The following OTOF variants were observed in gnomAD, a reference collection of about 807,000 sequenced individuals.
OTOF encodes the protein fer-1-like family member 2.
A neutral mutation model predicts 236.8 loss-of-function variants in OTOF; 218 were observed. The observed-to-expected ratio is 0.92, with a 90% CI of 0.82 to 1.03. OTOF has a LOEUF of 1.03. OTOF is among the 50% of genes least tolerant of loss of function. The pLI, the probability that OTOF is intolerant of heterozygous loss-of-function variation, is 0.00. For missense variants in OTOF, 2,590 were observed against 2,694.4 expected, an observed-to-expected ratio of 0.96 and a Z score of 0.86; for synonymous variants, 1,041 against 1,072.5, an observed-to-expected ratio of 0.97 and a Z score of 0.57.
chr2:26,514,827 C>T (rs920507420), intron 5 of OTOF, among the ~76,000 whole-genome samples: 70 of 152,186 alleles, frequency 4.6e-4, no homozygotes, highest in African/African-American at 1.7e-3. Flanking sequence ...GGCTTCCGAT[C>T]TTGTTCTCTG....
chr2:26,458,442 A>G (rs1250970404), intron 46 of OTOF, among the ~76,000 whole-genome samples: 1 of 152,146 alleles, frequency 6.6e-6, no homozygotes, highest in African/African-American at 2.4e-5. Flanking sequence ...ATCTCCTCCT[A>G]AGGCCTAGAT....
intron 33 of OTOF, among the ~76,000 whole-genome samples, chr2:26,468,074 G>A (rs1459929513): frequency 6.6e-6 from 1 of 152,214 alleles, no homozygotes; most frequent in Admixed American, 6.5e-5. Context: ...AAACTAATTT[G>A]TTCCTTCTAG....
At chr2:26,556,917 A>G (rs1667600099) in intron 1 of OTOF, among the ~76,000 whole-genome samples, 2 of 152,172 alleles carry the variant, frequency 1.3e-5, no homozygotes, top group African/African-American at 2.4e-5. Context: ...GAAAGGACAC[A>G]TTTGCTTTTT....
In OTOF at chr2:26,470,959, A is replaced by G. The variant is rs1312212326; in HGVS notation, c.3894+162T>C. The stretch of plus-strand genomic sequence containing the variant: ...AAGCAGGACTGGCACCGAGTCCTGC[A>G]CTCACCCAGCTCTTTTCCACTGCAT... On this transcript the variant is annotated intron_variant, in intron 31 of 46. Transcript: ENST00000272371. This position sits in a 1 kb window ranked among gnomAD's most constrained non-coding sequence, Gnocchi z 4.3. Among the ~76,000 whole-genome samples the G allele has an allele frequency of 6.6e-6, 1 of 152,172 alleles. No homozygotes were observed. Among genetic ancestry groups the G allele is most frequent in the Non-Finnish European group, 1.5e-5 (1 of 68,016 alleles).
chr2:26,477,894 G>A lies in OTOF; in HGVS notation c.2215-145C>T. ...GGCCATCCTGAGTATCGGTCATCAT[G>A]AGGAAGTCATCAATTTCCCAGGTTC... is the stretch of plus-strand genomic sequence containing the variant. On this transcript the variant is annotated intron_variant, in intron 18 of 46. Coordinates refer to ENST00000272371, the MANE Select transcript of OTOF (RefSeq NM_194248.3). The surrounding 1 kb of genome is among the most constrained non-coding windows in gnomAD (Gnocchi z 4.7). The A allele has an allele frequency of 6.5e-7, 1 of 1,539,526 alleles. No homozygotes were observed. Among genetic ancestry groups the A allele is most frequent in the Non-Finnish European group, 8.8e-7 (1 of 1,140,536 alleles).
chr2:26,535,181 C>T (rs776914187), intron 2 of OTOF, among the ~76,000 whole-genome samples: 24 of 152,154 alleles, frequency 1.6e-4, no homozygotes, highest in Non-Finnish European at 3.4e-4. Context: ...GACTCCAACA[C>T]GGGCCTTGCA....
chr2:26,536,950 G>A (rs1233765718), intron 2 of OTOF, among the ~76,000 whole-genome samples: 1 of 152,176 alleles, frequency 6.6e-6, no homozygotes, highest in Non-Finnish European at 1.5e-5. Context: ...GTGAGGATAG[G>A]GCTCCCAGCC....
Position 26,493,118 on chromosome 2 carries a change from A to G in OTOF, c.897+1824T>C, listed in dbSNP as rs564148956. 2.6e-5 allele frequency among the ~76,000 whole-genome samples: 4 copies of G among 152,302 alleles called. No individual in the cohort carries two copies. In the East Asian group the frequency reaches 7.7e-4, roughly 29 times the overall value. The stretch of plus-strand genomic sequence containing the variant: ...TCAGGATGTGTCCTAACGTAAGGCC[A>G]GAGATGTCAATCCTGAATGTCCTTG... On this transcript the variant is annotated intron_variant, in intron 9 of 46. Transcript: ENST00000272371.
At chr2:26,495,617 G>T (rs930092238) in intron 8 of OTOF, among the ~76,000 whole-genome samples, 1 of 152,028 alleles carries the variant, frequency 6.6e-6, no homozygotes, top group African/African-American at 2.4e-5. Context: ...ATACAGATGG[G>T]GTTTTGCCAT....
chr2:26,512,002 C>G (rs1461478818), intron 5 of OTOF, among the ~76,000 whole-genome samples: 1 of 152,128 alleles, frequency 6.6e-6, no homozygotes, highest in Admixed American at 6.5e-5. Context: ...TGCCCTCTGG[C>G]CCCAGCATAG....
In OTOF at chr2:26,482,495, A is replaced by C; in HGVS notation, c.1490T>G (p.Val497Gly). ...GACCTTGTCCGAGTCTCGGATCTGC[A>C]CCTTCATGCGTTTGCAGAGTGGGGG... ...LFPPLCKRMK[V>G]QIRDSDKVND... Residue 497 changes from valine (V) to glycine (G), a missense_variant, in exon 14 of 47, where the codon GTG becomes GGG. Around this residue, in one of 2 missense-constraint regions of OTOF, gnomAD observed 1,379 missense variants for 1,341.6 expected, o/e 1.03. Coordinates refer to ENST00000272371, the MANE Select transcript of OTOF (RefSeq NM_194248.3). The C allele has an allele frequency of 6.2e-7, 1 of 1,613,360 alleles. No individual in the cohort carries two copies. The highest frequency in any genetic ancestry group is 8.5e-7 in the Non-Finnish European group (1 of 1,180,002).
intron 9 of OTOF, among the ~76,000 whole-genome samples, chr2:26,493,630 A>G (rs1665901666): frequency 6.6e-6 from 1 of 152,182 alleles, no homozygotes; most frequent in Non-Finnish European, 1.5e-5. Context: ...GCAACAAACC[A>G]CACGGCTCAT....
At chr2:26,525,103 T>TG (rs1020151722) in intron 3 of OTOF, among the ~76,000 whole-genome samples, 1 of 152,158 alleles carries the variant, frequency 6.6e-6, no homozygotes, top group Non-Finnish European at 1.5e-5. Context: ...GGGCCCCTGG[T>TG]GGGGGGTGTC....
intron 8 of OTOF, among the ~76,000 whole-genome samples, chr2:26,495,678 G>A (rs1196176801): frequency 4.6e-5 from 7 of 151,950 alleles, no homozygotes; most frequent in East Asian, 1.9e-4. Flanking sequence ...TGTCTGCCTC[G>A]GCCTCCCAAA....
chr2:26,462,056 C>T lies in OTOF; in HGVS notation c.5291+27G>A, dbSNP rs201810020. On this transcript the variant is annotated intron_variant, in intron 42 of 46. Coordinates refer to ENST00000272371, the MANE Select transcript of OTOF (RefSeq NM_194248.3). The surrounding 1 kb of genome is among the most constrained non-coding windows in gnomAD (Gnocchi z 4.7). ...GAAGCAAGCCCCACCCAGCTCAGTCCCTCCCATGCAGGGACTGCTCACCCA... is the reference window on the plus strand; with the variant it reads ...GAAGCAAGCCCCACCCAGCTCAGTCTCTCCCATGCAGGGACTGCTCACCCA... The T allele has an allele frequency of 1.0e-4, 161 of 1,605,452 alleles. No homozygotes were observed. Among genetic ancestry groups the T allele is most frequent in the Middle Eastern group, 8.3e-4 (5 of 6,036 alleles).
At chr2:26,499,258 T>C (rs897784326) in intron 8 of OTOF, among the ~76,000 whole-genome samples, 2 of 152,186 alleles carry the variant, frequency 1.3e-5, no homozygotes, top group South Asian at 2.1e-4. Flanking sequence ...ACACGTGACG[T>C]GCATTCTAAA....
At chr2:26,532,497 G>A (rs4665870) in intron 2 of OTOF, among the ~76,000 whole-genome samples, 55,515 of 152,106 alleles carry the variant, frequency 0.36, 12,602 homozygotes, top group Admixed American at 0.53. Flanking sequence ...TGTGTGCCAG[G>A]CTCTGTGCAT....
rs1665242171 is a variant in OTOF at position 26,476,003 on chromosome 2, G to A, written c.2902C>T (p.Gln968Ter). ...TCGGCGGCAAAGAGGCTGCGGGCCT[G>A]GTACATGTGCGCTCGGAGCTGGAAC... ...QAFQLRAHMY[Q>*]ARSLFAADSS... Residue 968 changes from glutamine (Q) to a stop codon, truncating the protein, a stop_gained, in exon 24 of 47, where the codon CAG (glutamine) becomes TAG (stop). Transcript: ENST00000272371. LOFTEE classifies it high-confidence loss of function. 6.2e-7 allele frequency: 1 copy of A among 1,612,550 alleles called. No homozygotes were observed. The highest frequency in any genetic ancestry group is 1.7e-5 in the Admixed American group (1 of 59,950).
At chr2:26,536,654 C>A (rs114052769) in intron 2 of OTOF, among the ~76,000 whole-genome samples, 598 of 152,272 alleles carry the variant, frequency 3.9e-3, no homozygotes, top group Non-Finnish European at 7.0e-3. Flanking sequence ...ACGCCAGCAG[C>A]CAACCTCAAG....
Sources: allele counts gnomAD v4.1 joint callset (sites outside exome capture counted in the v4.1 genomes callset), GRCh38; gene constraint gnomAD v4.1.1; regional missense constraint gnomAD v4.1.1; non-coding constraint Gnocchi (gnomAD v3.1); transcripts MANE v1.5; gene names NCBI Gene and HGNC (gene_info 2026-07-23, HGNC 2026-07-21).